ZMIZ1: variants seen among roughly 807,000 people sequenced by gnomAD.
ZMIZ1 encodes the protein zinc finger MIZ domain-containing protein 1.
ZMIZ1 carries 17 observed loss-of-function variants against 113.9 expected under a neutral mutation model. The ratio of observed to expected loss-of-function variants is 0.15; its 90% CI spans 0.10 to 0.22. ZMIZ1 has a LOEUF of 0.22. Ranked by LOEUF, ZMIZ1 falls within the 10% of genes least tolerant of loss-of-function variation. The pLI is 1.00. For synonymous variants in ZMIZ1, 607 were observed against 603.1 expected (o/e 1.01, Z -0.09); for missense variants, 1,059 against 1,477.8 (o/e 0.72, Z 4.65).
intron 8 of ZMIZ1, among the ~76,000 whole-genome samples, chr10:79,284,926 T>C (rs1239835779): frequency 2.0e-5 from 3 of 152,216 alleles, no homozygotes; most frequent in African/African-American, 7.2e-5. Flanking sequence ...CTATTTGGGT[T>C]TTCTCTGCAG....
At chr10:79,127,141 T>G (rs2132354408) in intron 2 of ZMIZ1, among the ~76,000 whole-genome samples, 1 of 152,264 alleles carries the variant, frequency 6.6e-6, no homozygotes, top group African/African-American at 2.4e-5. Context: ...ATTTATTCCT[T>G]CCCAAGGCTG....
chr10:79,085,648 A>G (rs12359051), intron 1 of ZMIZ1, among the ~76,000 whole-genome samples: 38,991 of 152,096 alleles, frequency 0.26, 5,752 homozygotes, highest in Non-Finnish European at 0.33. Context: ...AGAGCCCAAT[A>G]AACACGCTTG....
At chr10:79,304,280 A>G (rs1244822589) in intron 19 of ZMIZ1, 105 bp downstream of exon 19, 9 of 1,405,284 alleles carry the variant, frequency 6.4e-6, no homozygotes, top group Non-Finnish European at 8.6e-6. Flanking sequence ...CACTGTCCTG[A>G]AGGACGTCAT....
In ZMIZ1 at chr10:79,296,095, T is replaced by G. The variant is rs1162364374; in HGVS notation, c.1231-376T>G. 4.0e-6 allele frequency: 1 copy of G among 252,448 alleles called. No individual in the cohort carries two copies. Among genetic ancestry groups the G allele is most frequent in the Non-Finnish European group, 7.8e-6 (1 of 128,978 alleles). 15.6% of individuals were successfully genotyped at this position (252,448 alleles called of 1,614,324 possible). A position where few individuals can be genotyped will look rare whatever the true frequency, so the allele number is the denominator to read the frequency against. ...TTGCATCCTGTTGACTGTGTTCCTC[T>G]GTCACATTGGGGTACACATTGGGGA... On this transcript the variant is annotated intron_variant, in intron 12 of 24. Coordinates refer to ENST00000334512, the MANE Select transcript of ZMIZ1 (RefSeq NM_020338.4). This position sits in a 1 kb window ranked among gnomAD's most constrained non-coding sequence, Gnocchi z 4.1.
chr10:79,287,008 G>A (rs1853135504), intron 8 of ZMIZ1, among the ~76,000 whole-genome samples: 2 of 152,254 alleles, frequency 1.3e-5, no homozygotes, highest in African/African-American at 2.4e-5. Context: ...CTCAGGCTTG[G>A]GTTTTGTTCA....
At chr10:79,103,239 C>T (rs551943034) in intron 1 of ZMIZ1, among the ~76,000 whole-genome samples, 12 of 151,786 alleles carry the variant, frequency 7.9e-5, no homozygotes, top group African/African-American at 2.2e-4. Context: ...ATGGGGAAAC[C>T]GTGAGGGGGA....
At position 79,310,938 on chromosome 10, in the gene ZMIZ1, C is replaced by G. The variant is rs139007441; in HGVS notation, c.2850C>G (p.Gly950=). ...CTCCTCCACAGATGCCACACGCTGG[C>G]AGCTCTGACCAGCCCCACCCCTCCA... is the stretch of plus-strand genomic sequence containing the variant. ...HPMQETMPHA[G]SSDQPHPSIQ... is the part of the protein sequence containing the mutation. The change falls in exon 24 of 25, where the codon GGC becomes GGG. Residue 950 remains glycine (G), a synonymous_variant. Transcript: ENST00000334512. The G allele has an allele frequency of 1.2e-6, 2 of 1,613,124 alleles. No homozygotes were observed. Among genetic ancestry groups the G allele is most frequent in the Non-Finnish European group, 1.7e-6 (2 of 1,179,548 alleles).
chr10:79,092,075 G>C (rs1842999093), intron 1 of ZMIZ1, among the ~76,000 whole-genome samples: 1 of 152,148 alleles, frequency 6.6e-6, no homozygotes. Flanking sequence ...AGTGGGAGAG[G>C]AGGTGGCAGC....
chr10:79,181,607 C>T (rs1358613133), intron 4 of ZMIZ1, among the ~76,000 whole-genome samples: 1 of 152,218 alleles, frequency 6.6e-6, no homozygotes, highest in Non-Finnish European at 1.5e-5. Context: ...GCTCCCCAAA[C>T]CCCAAACCGT....
At chr10:79,207,726 A>G (rs1392900605) in intron 5 of ZMIZ1, among the ~76,000 whole-genome samples, 1 of 152,174 alleles carries the variant, frequency 6.6e-6, no homozygotes, top group East Asian at 1.9e-4. Flanking sequence ...CAGTACAGGC[A>G]CGTGTGCTTC....
At chr10:79,078,569 A>ATT (rs1842553761) in intron 1 of ZMIZ1, among the ~76,000 whole-genome samples, 1 of 55,732 alleles carries the variant, frequency 1.8e-5, no homozygotes, top group African/African-American at 7.8e-5. Flanking sequence ...CCCACCCCCG[A>ATT]CTTTTTTTTT....
At chr10:79,303,364 G>A (rs1423163276) in intron 18 of ZMIZ1, among the ~76,000 whole-genome samples, 1 of 147,486 alleles carries the variant, frequency 6.8e-6, no homozygotes, top group Admixed American at 6.9e-5. Flanking sequence ...TGAGGTGGGA[G>A]AATTTGTTTG....
chr10:79,293,281 C>A, intron 11 of ZMIZ1, 100 bp from the exon 12 acceptor site: 1 of 1,375,722 alleles, frequency 7.3e-7, no homozygotes, highest in Non-Finnish European at 9.9e-7. Context: ...CCTCCCCACT[C>A]CTCCACCTCC....
intron 7 of ZMIZ1, among the ~76,000 whole-genome samples, chr10:79,254,652 G>A (rs968158091): frequency 2.6e-5 from 4 of 152,260 alleles, no homozygotes; most frequent in African/African-American, 7.2e-5. Flanking sequence ...TGCAGTCAGC[G>A]TGATATTCCA....
intron 17 of ZMIZ1, among the ~76,000 whole-genome samples, chr10:79,301,724 T>C (rs1048153619): frequency 4.6e-5 from 7 of 151,582 alleles, no homozygotes; most frequent in African/African-American, 1.7e-4. Flanking sequence ...GGCTGATGGG[T>C]GGACGTTTGG....
chr10:79,114,476 T>TG (rs1491316828), intron 1 of ZMIZ1, among the ~76,000 whole-genome samples: 4 of 95,636 alleles, frequency 4.2e-5, no homozygotes, highest in African/African-American at 1.3e-4. Flanking sequence ...TGTGTGTGTG[T>TG]CTGTGTGTGT....
chr10:79,274,592 C>T lies in ZMIZ1; in HGVS notation c.281-2589C>T, dbSNP rs59844894. ...GTTGGTTTGCACCATAAGGAGAACA[C>T]GCACAACATCCACTGCCCCGCATGC... On this transcript the variant is annotated intron_variant, in intron 7 of 24. Transcript: ENST00000334512. Among the ~76,000 whole-genome samples the T allele has an allele frequency of 5.5e-4, 84 of 151,794 alleles. 6 individuals are homozygous for T. In the East Asian group the frequency reaches 0.016, roughly 30 times the overall value.
chr10:79,311,327 C>T (rs572381817), intron 24 of ZMIZ1, 143 bp downstream of exon 24: 2 of 1,099,782 alleles, frequency 1.8e-6, no homozygotes, highest in African/African-American at 1.6e-5. Context: ...AGACCTGGCT[C>T]CAGACCAGGA....
At chr10:79,244,994 A>G (rs1589476817) in intron 7 of ZMIZ1, among the ~76,000 whole-genome samples, 2 of 152,252 alleles carry the variant, frequency 1.3e-5, no homozygotes, top group South Asian at 4.1e-4. Flanking sequence ...TTTTTTGTGT[A>G]TAAGCCAGGC....
Sources: gnomAD v4.1 joint callset for allele counts (sites outside exome capture counted in the v4.1 genomes callset) on GRCh38, gnomAD v4.1.1 for gene constraint, Gnocchi (gnomAD v3.1) non-coding constraint, MANE v1.5 for transcripts, NCBI Gene and HGNC (gene_info 2026-07-23, HGNC 2026-07-21) for gene names.